Variants in RAB27A observed in about 807,000 individuals in gnomAD.
The protein encoded by RAB27A is RAB27A, member RAS oncogene family.
In RAB27A, 17 loss-of-function variants were observed where a neutral mutation model predicts 20.8. The observed-to-expected ratio is 0.82, with a 90% CI of 0.56 to 1.23. The LOEUF (loss-of-function observed/expected upper bound fraction) is 1.23, where lower values mean the gene tolerates loss of function less well. Among genes scored for constraint, RAB27A ranks in the 50% most tolerant of loss-of-function variants. The pLI, the probability that RAB27A is intolerant of heterozygous loss-of-function variation, is 0.00. For missense variants in RAB27A, 277 were observed against 266.7 expected (o/e 1.04, Z -0.27); for synonymous variants, 85 against 92.8 (o/e 0.92, Z 0.48).
chr15:55,257,339 A>G (rs1897117290), intron 2 of RAB27A, among the ~76,000 whole-genome samples: 2 of 152,202 alleles, frequency 1.3e-5, no homozygotes, highest in South Asian at 4.1e-4. Flanking sequence ...GAGGCAGAGT[A>G]GCCAACAGTG....
intron 1 of RAB27A, among the ~76,000 whole-genome samples, chr15:55,286,188 G>A (rs1468681886): frequency 3.9e-5 from 6 of 152,190 alleles, no homozygotes; most frequent in African/African-American, 1.4e-4. Flanking sequence ...TTAGTACTTG[G>A]ATGGGAGAAA....
chr15:55,221,835 G>A (rs1181293918), intron 6 of RAB27A, among the ~76,000 whole-genome samples: 1 of 152,068 alleles, frequency 6.6e-6, no homozygotes, highest in Non-Finnish European at 1.5e-5. Context: ...TGTGACAAAG[G>A]GCCCCAGTTT....
intron 1 of RAB27A, chr15:55,270,630 C>G (rs1324365404): frequency 1.3e-5 from 2 of 152,196 alleles, no homozygotes; most frequent in Non-Finnish European, 2.9e-5. Context: ...TGAGAAAGTG[C>G]CTTGTATTCT....
At chr15:55,300,296 A>G (rs547371678) in intron 2 of RAB27A, among the ~76,000 whole-genome samples, 149 of 152,266 alleles carry the variant, frequency 9.8e-4, no homozygotes, top group African/African-American at 3.4e-3. Context: ...TGTCATGGGA[A>G]GCAAGTCGGG....
At chr15:55,301,922 A>AGACAT (rs2054973857) in intron 2 of RAB27A, among the ~76,000 whole-genome samples, 1 of 152,044 alleles carries the variant, frequency 6.6e-6, no homozygotes, top group Admixed American at 6.5e-5. Flanking sequence ...TTGGGATTAT[A>AGACAT]GACATGAGCC....
At chr15:55,268,343 GA>G (rs1459315935) in intron 2 of RAB27A, among the ~76,000 whole-genome samples, 2 of 152,156 alleles carry the variant, frequency 1.3e-5, no homozygotes, top group Non-Finnish European at 2.9e-5. Context: ...TATTCTGAAG[GA>G]TGCCTTGGCA....
At chr15:55,302,862 G>A (rs1463192562) in intron 2 of RAB27A, among the ~76,000 whole-genome samples, 3 of 141,346 alleles carry the variant, frequency 2.1e-5, no homozygotes, top group Admixed American at 6.8e-5. Flanking sequence ...GAGAAGTGAG[G>A]AGCCCCTCCG....
intron 1 of RAB27A, among the ~76,000 whole-genome samples, chr15:55,280,041 G>A (rs781501014): frequency 6.6e-6 from 1 of 152,150 alleles, no homozygotes. Context: ...ATGTTCCCAG[G>A]TGGTGCTGAT....
chr15:55,210,173 A>G (rs1219447637), intron 6 of RAB27A, among the ~76,000 whole-genome samples: 1 of 145,046 alleles, frequency 6.9e-6, no homozygotes, highest in East Asian at 2.0e-4. Flanking sequence ...ATACATATAT[A>G]CGTACACACA....
chr15:55,311,454 G>A (rs560701782), intron 2 of RAB27A, among the ~76,000 whole-genome samples: 2 of 151,766 alleles, frequency 1.3e-5, no homozygotes, highest in Non-Finnish European at 1.5e-5. Flanking sequence ...TCTCCTTTTG[G>A]ACAGTTTGGG....
chr15:55,250,335 A>T (rs566210334), intron 2 of RAB27A, among the ~76,000 whole-genome samples: 1 of 152,214 alleles, frequency 6.6e-6, no homozygotes, highest in Non-Finnish European at 1.5e-5. Context: ...TACCAAATTT[A>T]GAGACCTCCA....
intron 6 of RAB27A, among the ~76,000 whole-genome samples, chr15:55,208,213 T>A (rs762043116): frequency 5.1e-4 from 78 of 152,194 alleles, no homozygotes; most frequent in Non-Finnish European, 1.2e-4. Context: ...AAACATTGAA[T>A]TAAAAAACCA....
At chr15:55,312,678 A>C (rs2055026404) in intron 2 of RAB27A, among the ~76,000 whole-genome samples, 1 of 152,090 alleles carries the variant, frequency 6.6e-6, no homozygotes, top group African/African-American at 2.4e-5. Context: ...AGCCTCTGGC[A>C]CTTGGTATGT....
intron 6 of RAB27A, chr15:55,206,157 G>T: frequency 5.2e-6 from 1 of 191,598 alleles, no homozygotes; most frequent in African/African-American, 2.4e-5. Context: ...GTTGCAGTGA[G>T]CCAATATTGT....
Position 55,241,600 on chromosome 15 carries a change from TTATATA to T in RAB27A, c.-22-6650_-22-6645del, listed in dbSNP as rs58693379. 3.7e-4 allele frequency among the ~76,000 whole-genome samples: 46 copies of T among 123,878 alleles called. 3 individuals carry two copies. Among genetic ancestry groups the T allele is most frequent in the African/African-American group, 1.9e-3 (45 of 23,446 alleles). The allele number at this position is 123,878 out of a possible 152,430, so 81.3% of individuals were successfully genotyped here. ...AGCCCAGGCAACTAGCAAGACCTAT[TTATATA>T]TATATATATATATATATATGTGTGT... On this transcript the variant is annotated intron_variant, in intron 2 of 6. Coordinates refer to ENST00000336787, the MANE Select transcript of RAB27A (RefSeq NM_183235.3).
At chr15:55,307,821 C>T (rs1310798383) in intron 2 of RAB27A, among the ~76,000 whole-genome samples, 1 of 151,158 alleles carries the variant, frequency 6.6e-6, no homozygotes, top group African/African-American at 2.4e-5. Context: ...TTCTTTGGCA[C>T]ACTTCACAGG....
chr15:55,311,623 C>T (rs1260828459), intron 2 of RAB27A, among the ~76,000 whole-genome samples: 1 of 152,134 alleles, frequency 6.6e-6, no homozygotes, highest in Non-Finnish European at 1.5e-5. Context: ...CACTTCACTC[C>T]TTATGCCTTC....
intron 6 of RAB27A, among the ~76,000 whole-genome samples, chr15:55,211,379 T>C (rs1271988820): frequency 6.6e-6 from 1 of 152,194 alleles, no homozygotes; most frequent in Non-Finnish European, 1.5e-5. Context: ...ATTATTCCAG[T>C]CCAAAAGTAT....
chr15:55,215,617 A>G (rs1164041195), intron 6 of RAB27A, among the ~76,000 whole-genome samples: 4 of 137,588 alleles, frequency 2.9e-5, no homozygotes, highest in South Asian at 4.7e-4. Context: ...GCGCCACTGC[A>G]CTCCAGCCTG....
Sources: allele counts gnomAD v4.1 joint callset (sites outside exome capture counted in the v4.1 genomes callset), GRCh38; gene constraint gnomAD v4.1.1; transcripts MANE v1.5; gene names NCBI Gene and HGNC (gene_info 2026-07-23, HGNC 2026-07-21).